The following BPI variants were observed in gnomAD, a reference collection of about 807,000 sequenced individuals.
BPI encodes bactericidal permeability-increasing protein.
A neutral mutation model predicts 57.6 loss-of-function variants in BPI; 48 were observed. The ratio of observed to expected loss-of-function variants is 0.83; its 90% CI spans 0.66 to 1.06. BPI has a LOEUF of 1.06. Ranked by LOEUF, BPI falls within the 50% of genes least tolerant of loss-of-function variation. BPI has a pLI of 0.00. For missense variants in BPI, 651 were observed against 609.7 expected, an observed-to-expected ratio of 1.07 and a Z score of -0.71; for synonymous variants, 237 against 238.2, an observed-to-expected ratio of 0.99 and a Z score of 0.05.
intron 5 of BPI, among the ~76,000 whole-genome samples, chr20:38,313,437 T>C: frequency 6.7e-6 from 1 of 148,300 alleles, no homozygotes; most frequent in African/African-American, 2.5e-5. Context: ...ATTAATACCG[T>C]CTTCACCAAG....
rs1434916666 is a variant in BPI at position 38,331,076 on chromosome 20, A to G, written c.1258A>G (p.Ile420Val). 1 of 1,613,860 alleles carries G rather than the reference A, an allele frequency of 6.2e-7. No homozygotes were observed. Among genetic ancestry groups the G allele is most frequent in the Non-Finnish European group, 8.5e-7 (1 of 1,179,962 alleles). Residue 420 changes from isoleucine to valine, a missense_variant, in exon 12 of 15, where the codon ATT (isoleucine) becomes GTT (valine). Transcript: ENST00000642449. ...RLLLELKHSNIGPFPVELLQD... is the reference protein window; with the variant it reads ...RLLLELKHSNVGPFPVELLQD... ...GCTCCTGGAACTGAAGCACTCAAAT[A>G]TTGGCCCCTTCCCGGTGAGTCTGAG...
At position 38,327,468 on chromosome 20, in the gene BPI, C is replaced by A; in HGVS notation, c.1162-120C>A. 4 of 1,063,660 alleles carry A rather than the reference C, an allele frequency of 3.8e-6. No individual in the cohort carries two copies. In the South Asian group the frequency reaches 4.2e-5, roughly 11 times the overall value. 65.9% of individuals were successfully genotyped at this position (1,063,660 alleles called of 1,614,324 possible). On this transcript the variant is annotated intron_variant, in intron 10 of 14. Transcript: ENST00000642449. The stretch of plus-strand genomic sequence containing the variant: ...TCCCCACTCCTCTGGCTCTGTGGGC[C>A]TGACCCCACAGTGTATGCTGCCCTG...
chr20:38,324,855 T>A, intron 9 of BPI, 22 bp downstream of exon 9: 1 of 1,590,760 alleles, frequency 6.3e-7, no homozygotes, highest in Non-Finnish European at 8.6e-7. Context: ...CTTGCTTTCC[T>A]TTAGTGAGCC....
At chr20:38,307,709 A>G in intron 2 of BPI, 28 bp downstream of exon 2, 2 of 1,560,688 alleles carry the variant, frequency 1.3e-6, no homozygotes, top group Non-Finnish European at 1.8e-6. Flanking sequence ...TCAATCCTCG[A>G]TTTGCAGGAC....
Position 38,304,313 on chromosome 20 carries a change from T to C in BPI, c.90T>C (p.Pro30=). The part of the protein sequence containing the change: ...IGTAVTAAVN[P]GVVVRISQKG... Reference sequence around the variant, plus strand: ...CCGCCGTGACAGCGGCCGTCAACCCTGGCGTCGTGGTCAGGATCTCCCAGA... The same window carrying C: ...CCGCCGTGACAGCGGCCGTCAACCCCGGCGTCGTGGTCAGGATCTCCCAGA... The change falls in exon 1 of 15, where the codon CCT becomes CCC. Residue 30 remains proline, a synonymous_variant. Coordinates refer to ENST00000642449, the MANE Select transcript of BPI (RefSeq NM_001725.3). The C allele has an allele frequency of 6.2e-7, 1 of 1,614,096 alleles. No homozygotes were observed. Among genetic ancestry groups the C allele is most frequent in the Non-Finnish European group, 8.5e-7 (1 of 1,180,022 alleles).
Position 38,311,898 on chromosome 20 carries a change from A to G in BPI, c.561A>G (p.Lys187=), listed in dbSNP as rs750185823. 11 of 1,613,934 alleles carry G rather than the reference A, an allele frequency of 6.8e-6. No homozygotes were observed. The East Asian group carries it at 2.2e-4, about 33-fold the overall frequency. The change falls in exon 5 of 15, where the codon AAA becomes AAG. Residue 187 remains lysine (K), a synonymous_variant. Coordinates refer to ENST00000642449, the MANE Select transcript of BPI (RefSeq NM_001725.3). ...GGTGGCTGATCCAACTCTTCCACAAAAAAATTGAGTCTGCGCTTCGAAACA... is the reference window on the plus strand; with the variant it reads ...GGTGGCTGATCCAACTCTTCCACAAGAAAATTGAGTCTGCGCTTCGAAACA... ...KVGWLIQLFH[K]KIESALRNKM...
rs970402797 is a variant in BPI at position 38,335,614 on chromosome 20, C to T, written c.1353C>T (p.Gly451=). The change falls in exon 14 of 15, where the codon GGC becomes GGT. Residue 451 remains glycine (G), a synonymous_variant. Coordinates refer to ENST00000642449, the MANE Select transcript of BPI (RefSeq NM_001725.3). ...CTGTCACAGAGAAACTACAGAAAGG[C>T]TTCCCTCTCCCGACGCCGGCCAGAG... ...LPRVNEKLQK[G]FPLPTPARVQ... The T allele has an allele frequency of 3.1e-6, 5 of 1,614,034 alleles. No individual in the cohort carries two copies. The African/African-American group carries it at 5.3e-5, about 17-fold the overall frequency.
At chr20:38,304,393 GAGC>G in intron 1 of BPI, 40 bp downstream of exon 1, 1 of 1,605,536 alleles carries the variant, frequency 6.2e-7, no homozygotes. Flanking sequence ...CACCCCTGAG[GAGC>G]ACTTACTTAG....
At chr20:38,307,829 C>T in intron 2 of BPI, 148 bp downstream of exon 2, 1 of 677,648 alleles carries the variant, frequency 1.5e-6, no homozygotes, top group Non-Finnish European at 2.4e-6. Flanking sequence ...GGGGAGGCAA[C>T]CTCCCAGCTG....
At position 38,318,535 on chromosome 20, in the gene BPI, G is replaced by T. The variant is rs1209356981; in HGVS notation, c.664+59G>T. ...AACAGAAATGGGAGGGGGTGAGGAC[G>T]TCAGGGTGGATGTGATGGGGCCGGC... On this transcript the variant is annotated intron_variant, in intron 6 of 14. Transcript: ENST00000642449. The T allele has an allele frequency of 1.9e-6, 3 of 1,572,136 alleles. No homozygotes were observed. In the East Asian group the frequency reaches 6.7e-5, roughly 35 times the overall value.
At chr20:38,318,717 A>G (rs2076665964) in intron 6 of BPI, among the ~76,000 whole-genome samples, 1 of 152,304 alleles carries the variant, frequency 6.6e-6, no homozygotes, top group African/African-American at 2.4e-5. Context: ...TGCAAGGGCC[A>G]AACAACAAAA....
At chr20:38,322,572 T>C (rs539950739) in intron 7 of BPI, among the ~76,000 whole-genome samples, 2 of 152,344 alleles carry the variant, frequency 1.3e-5, no homozygotes, top group East Asian at 3.9e-4. Flanking sequence ...CACTTAACAA[T>C]ATGTATTAAA....
chr20:38,308,282 C>T (rs1055961706), intron 2 of BPI, among the ~76,000 whole-genome samples: 12 of 152,286 alleles, frequency 7.9e-5, no homozygotes, highest in South Asian at 6.2e-4. Flanking sequence ...ACTACTTGGC[C>T]GAGCCTAAGT....
In BPI at chr20:38,334,487, G is replaced by C. The variant is rs765939218; in HGVS notation, c.1330G>C (p.Val444Leu). 2.5e-6 allele frequency: 4 copies of C among 1,613,336 alleles called. No homozygotes were observed. In the South Asian group the frequency reaches 4.4e-5, roughly 18 times the overall value. Reference sequence around the variant, plus strand: ...TGTACCCATTCTTGTGCTGCCCAGGGTTAACGGTAAGGAACTTTGAAGAAA... The same window carrying C: ...TGTACCCATTCTTGTGCTGCCCAGGCTTAACGGTAAGGAACTTTGAAGAAA... Reference protein sequence around the residue: ...YIVPILVLPRVNEKLQKGFPL... With the variant: ...YIVPILVLPRLNEKLQKGFPL... The change falls in exon 13 of 15, where the codon GTT becomes CTT. Residue 444 changes from valine (V) to leucine (L), a missense_variant. Coordinates refer to ENST00000642449, the MANE Select transcript of BPI (RefSeq NM_001725.3).
intron 5 of BPI, among the ~76,000 whole-genome samples, chr20:38,313,488 A>G (rs1193796280): frequency 2.0e-5 from 3 of 151,638 alleles, no homozygotes; most frequent in African/African-American, 4.8e-5. Flanking sequence ...AAATGTGCTC[A>G]CTCACTAGGC....
At chr20:38,334,281 C>G in intron 12 of BPI, 149 bp from the exon 13 acceptor site, 1 of 734,474 alleles carries the variant, frequency 1.4e-6, no homozygotes, top group Non-Finnish European at 2.4e-6. Flanking sequence ...ATATCACTTG[C>G]GTCCACCTCT....
Position 38,314,145 on chromosome 20 carries a change from G to GGA in BPI, c.600+2208_600+2209insGA, listed in dbSNP as rs2076636996. On this transcript the variant is annotated intron_variant, in intron 5 of 14. Transcript: ENST00000642449. Reference sequence around the variant, plus strand: ...GAAGATGATGATGATGATGGTGGTGGTGAGATTGAGGATGGTGATGGTGGG... The same window carrying GGA: ...GAAGATGATGATGATGATGGTGGTGGGATGAGATTGAGGATGGTGATGGTGGG... Among the ~76,000 whole-genome samples the GGA allele has an allele frequency of 2.0e-4, 14 of 68,618 alleles. 1 individual carries two copies. Among genetic ancestry groups the GGA allele is most frequent in the Non-Finnish European group, 3.1e-4 (9 of 28,944 alleles). The allele number at this position is 68,618 out of a possible 152,430, so 45.0% of individuals were successfully genotyped here.
rs747610679 is a variant in BPI, at chr20:38,326,328, C to T, written c.1057C>T (p.Leu353=). The part of the protein sequence containing the change: ...IHVSASTPPH[L]SVQPTGLTFY... Reference sequence around the variant, plus strand: ...TGTCTCAGCCTCCACCCCGCCACACCTGTCTGTGCAGCCCACCGGCCTTAC... The same window carrying T: ...TGTCTCAGCCTCCACCCCGCCACACTTGTCTGTGCAGCCCACCGGCCTTAC... Residue 353 remains leucine, a synonymous_variant, in exon 10 of 15, where the codon CTG becomes TTG. Transcript: ENST00000642449. 1 of 1,614,168 alleles carries T rather than the reference C, an allele frequency of 6.2e-7. No homozygotes were observed. Among genetic ancestry groups the T allele is most frequent in the South Asian group, 1.1e-5 (1 of 91,082 alleles).
At position 38,320,294 on chromosome 20, in the gene BPI, T is replaced by C. The variant is rs960632918; in HGVS notation, c.756+20T>C. On this transcript the variant is annotated intron_variant, in intron 7 of 14. Coordinates refer to ENST00000642449, the MANE Select transcript of BPI (RefSeq NM_001725.3). ...ATGAAGGTGAGGCTGACACTGAGAA[T>C]CATACACCCTCACACCTCTGTCTCA... 1.9e-6 allele frequency: 3 copies of C among 1,605,774 alleles called. No individual in the cohort carries two copies. Among genetic ancestry groups the C allele is most frequent in the Non-Finnish European group, 2.6e-6 (3 of 1,173,368 alleles).
Sources: allele counts gnomAD v4.1 joint callset (sites outside exome capture counted in the v4.1 genomes callset), GRCh38; gene constraint gnomAD v4.1.1; transcripts MANE v1.5; gene names NCBI Gene and HGNC (gene_info 2026-07-23, HGNC 2026-07-21).